Variants in ZNF652 observed in about 807,000 individuals in gnomAD.
ZNF652 encodes zinc finger protein 652.
A neutral mutation model predicts 45.2 loss-of-function variants in ZNF652; 16 were observed. The observed-to-expected ratio is 0.35, with a 90% CI of 0.24 to 0.54. The LOEUF is 0.54. Among genes scored for constraint, ZNF652 ranks in the 20% least tolerant of loss-of-function variants. The pLI is 0.91. For missense variants in ZNF652, 614 were observed against 765.6 expected (o/e 0.80, Z 2.34); for synonymous variants, 250 against 260.6 (o/e 0.96, Z 0.39).
At chr17:49,351,021 ACACACAC>A (rs1567700335) in intron 1 of ZNF652, among the ~76,000 whole-genome samples, 91 of 71,846 alleles carry the variant, frequency 1.3e-3, no homozygotes, top group South Asian at 2.5e-3. Context: ...ATATACACAC[ACACACAC>A]ACACACACAC....
chr17:49,303,624 C>T (rs2069585526), intron 5 of ZNF652, among the ~76,000 whole-genome samples: 1 of 152,104 alleles, frequency 6.6e-6, no homozygotes, highest in African/African-American at 2.4e-5. Context: ...CTCTAAGCTC[C>T]CCTGCTCTGT....
At chr17:49,314,788 C>CT (rs2069775370) in intron 2 of ZNF652, among the ~76,000 whole-genome samples, 1 of 152,162 alleles carries the variant, frequency 6.6e-6, no homozygotes, top group African/African-American at 2.4e-5. Context: ...AACAAGAACT[C>CT]TGAGAAGAGT....
intron 1 of ZNF652, among the ~76,000 whole-genome samples, chr17:49,345,647 C>G (rs909869736): frequency 1.5e-4 from 22 of 151,230 alleles, no homozygotes; most frequent in African/African-American, 5.3e-4. Flanking sequence ...CGAGACCATC[C>G]TGGCTAACAC....
At chr17:49,305,385 T>C (rs2069615090) in intron 5 of ZNF652, among the ~76,000 whole-genome samples, 1 of 152,226 alleles carries the variant, frequency 6.6e-6, no homozygotes, top group South Asian at 2.1e-4. Context: ...AGGCGGAGGT[T>C]GCAGTGAGCT....
At chr17:49,333,309 G>A (rs530101635) in intron 1 of ZNF652, among the ~76,000 whole-genome samples, 4 of 150,014 alleles carry the variant, frequency 2.7e-5, no homozygotes, top group Non-Finnish European at 5.9e-5. Context: ...CGCCCACCTC[G>A]GCCTCCCAAA....
intron 1 of ZNF652, among the ~76,000 whole-genome samples, chr17:49,318,636 G>A (rs1369253453): frequency 1.3e-5 from 2 of 152,116 alleles, no homozygotes; most frequent in African/African-American, 4.8e-5. Flanking sequence ...ATGCTGATAT[G>A]GCAAAATATA....
intron 1 of ZNF652, among the ~76,000 whole-genome samples, chr17:49,348,230 T>C (rs564924612): frequency 2.6e-5 from 4 of 152,018 alleles, no homozygotes; most frequent in Non-Finnish European, 5.9e-5. Flanking sequence ...TGGTGGCGTA[T>C]GTCTAACCCC....
intron 1 of ZNF652, among the ~76,000 whole-genome samples, chr17:49,349,841 T>C (rs28715538): frequency 0.026 from 3,932 of 152,318 alleles, 161 homozygotes; most frequent in African/African-American, 0.086. Context: ...TGGGCAGAAC[T>C]ATCTGTGAAT....
intron 1 of ZNF652, among the ~76,000 whole-genome samples, chr17:49,350,400 G>A (rs991124973): frequency 2.0e-5 from 3 of 151,374 alleles, no homozygotes; most frequent in South Asian, 2.1e-4. Flanking sequence ...TTACCCAGAC[G>A]TGGTGATGCG....
At chr17:49,335,061 C>T (rs2070066079) in intron 1 of ZNF652, among the ~76,000 whole-genome samples, 1 of 152,040 alleles carries the variant, frequency 6.6e-6, no homozygotes, top group African/African-American at 2.4e-5. Context: ...GTTGCACAAT[C>T]TTGTGAATAT....
chr17:49,353,123 A>C (rs1057142727), intron 1 of ZNF652, among the ~76,000 whole-genome samples: 8 of 152,198 alleles, frequency 5.3e-5, no homozygotes, highest in African/African-American at 1.7e-4. Flanking sequence ...ATATTAATTT[A>C]AAAAATAAAT....
At chr17:49,344,984 C>G (rs539518695) in intron 1 of ZNF652, among the ~76,000 whole-genome samples, 1 of 152,210 alleles carries the variant, frequency 6.6e-6, no homozygotes, top group South Asian at 2.1e-4. Flanking sequence ...ATCTAAGAAT[C>G]AAAAAGTTCT....
chr17:49,304,423 A>G (rs1247017096), intron 5 of ZNF652, among the ~76,000 whole-genome samples: 1 of 152,130 alleles, frequency 6.6e-6, no homozygotes, highest in Non-Finnish European at 1.5e-5. Context: ...ATTAGGCCGC[A>G]TCTCCTAAAT....
rs368716483 is a variant in ZNF652, at chr17:49,317,154, C to T, written c.572G>A (p.Arg191Lys). 8.0e-5 allele frequency: 129 copies of T among 1,613,884 alleles called. 4 individuals are homozygous for T. The South Asian group carries it at 9.8e-4, about 12-fold the overall frequency. The change falls in exon 2 of 6, where the codon AGA becomes AAA. Residue 191 changes from arginine to lysine, a missense_variant. Coordinates refer to ENST00000430262, the MANE Select transcript of ZNF652 (RefSeq NM_001145365.3). Reference sequence around the variant, plus strand: ...GGCAACAGAGGCAGCTCTCCTGGTTCTCCTTTGTGTAACGCTGACTTTCTC... The same window carrying T: ...GGCAACAGAGGCAGCTCTCCTGGTTTTCCTTTGTGTAACGCTGACTTTCTC... ...IVEKVSVTQR[R>K]TRRAASVAAA...
chr17:49,312,598 T>C (rs2069731654), intron 3 of ZNF652, 100 bp downstream of exon 3: 1 of 1,345,428 alleles, frequency 7.4e-7, no homozygotes. Context: ...ATGTCAAAAC[T>C]GATTAGGGCA....
At chr17:49,330,189 C>T (rs974548622) in intron 1 of ZNF652, among the ~76,000 whole-genome samples, 2 of 152,044 alleles carry the variant, frequency 1.3e-5, no homozygotes, top group Non-Finnish European at 2.9e-5. Context: ...TAAAACCAAC[C>T]AGAAGAACAT....
chr17:49,317,011 A>G lies in ZNF652; in HGVS notation c.715T>C (p.Cys239Arg), dbSNP rs750503580. The G allele has an allele frequency of 2.5e-6, 4 of 1,613,820 alleles. No homozygotes were observed. Among genetic ancestry groups the G allele is most frequent in the Admixed American group, 3.3e-5 (2 of 59,974 alleles). Residue 239 changes from cysteine to arginine, a missense_variant, in exon 2 of 6, where the codon TGT (cysteine) becomes CGT (arginine). Transcript: ENST00000430262. ...CAGGTCAGAGTCTCTTTCTCTTCAC[A>G]CTTAGCTTTCTGGACTGGTGCTTTG... ...EPKAPVQKAK[C>R]EEKETLTCEK...
chr17:49,360,801 G>T (rs2070384361), intron 1 of ZNF652, among the ~76,000 whole-genome samples: 2 of 152,070 alleles, frequency 1.3e-5, no homozygotes, highest in Non-Finnish European at 2.9e-5. Context: ...AATACATTAT[G>T]CCTTGATCAT....
chr17:49,337,650 GATTT>G (rs1187579059), intron 1 of ZNF652, among the ~76,000 whole-genome samples: 1 of 152,264 alleles, frequency 6.6e-6, no homozygotes, highest in African/African-American at 2.4e-5. Flanking sequence ...TCAAACAAGG[GATTT>G]ATTTATTTTT....
Sources: gnomAD v4.1 joint callset for allele counts (sites outside exome capture counted in the v4.1 genomes callset) on GRCh38, gnomAD v4.1.1 for gene constraint, MANE v1.5 for transcripts, NCBI Gene and HGNC (gene_info 2026-07-23, HGNC 2026-07-21) for gene names.